Variants in EBF2 observed in about 807,000 individuals in gnomAD.
EBF2 encodes EBF transcription factor 2.
Under a neutral mutation model 72.8 loss-of-function variants are expected in EBF2, and 21 were observed. That is an observed-to-expected ratio of 0.29 (90% confidence interval 0.20 to 0.42). EBF2 has a LOEUF of 0.42. Ranked by LOEUF, EBF2 falls within the 10% of genes least tolerant of loss-of-function variation. The pLI, the probability that EBF2 is intolerant of heterozygous loss-of-function variation, is 1.00. For synonymous variants in EBF2, 299 were observed against 274.2 expected (o/e 1.09, Z -0.89); for missense variants, 637 against 731.2 (o/e 0.87, Z 1.49).
At chr8:25,973,384 C>G (rs2117191307) in intron 6 of EBF2, among the ~76,000 whole-genome samples, 1 of 152,158 alleles carries the variant, frequency 6.6e-6, no homozygotes, top group East Asian at 1.9e-4. Flanking sequence ...CTGTTCTAAT[C>G]TGGATCATAT....
At chr8:25,844,754 G>A (rs1014095534) in intron 15 of EBF2, 114 bp from the exon 16 acceptor site, 2 of 1,355,362 alleles carry the variant, frequency 1.5e-6, no homozygotes, top group East Asian at 2.3e-5. Flanking sequence ...TATTCAAGGA[G>A]ATGGTGCCCT....
intron 13 of EBF2, among the ~76,000 whole-genome samples, chr8:25,858,881 G>A (rs559715199): frequency 6.6e-6 from 1 of 151,940 alleles, no homozygotes; most frequent in African/African-American, 2.4e-5. Flanking sequence ...AGCTGCTCTT[G>A]AACTCCTGAC....
At chr8:25,864,301 T>A (rs1248821248) in intron 10 of EBF2, among the ~76,000 whole-genome samples, 1 of 152,228 alleles carries the variant, frequency 6.6e-6, no homozygotes, top group African/African-American at 2.4e-5. Flanking sequence ...AATTTTTTCT[T>A]ATATTTGCTG....
Position 25,887,831 on chromosome 8 carries a change from C to T in EBF2, c.882+11G>A. On this transcript the variant is annotated intron_variant, in intron 9 of 15. Transcript: ENST00000520164. Reference sequence around the variant, plus strand: ...AAAGGAAATCAGAGTAAGCCTGTTGCCTCTGCTTACCTCGCTCCATACAAG... The same window carrying T: ...AAAGGAAATCAGAGTAAGCCTGTTGTCTCTGCTTACCTCGCTCCATACAAG... 2 of 1,584,690 alleles carry T rather than the reference C, an allele frequency of 1.3e-6. No individual in the cohort carries two copies. Among genetic ancestry groups the T allele is most frequent in the Non-Finnish European group, 1.7e-6 (2 of 1,166,552 alleles).
chr8:25,912,640 G>T (rs1431596731), intron 6 of EBF2, among the ~76,000 whole-genome samples: 1 of 152,064 alleles, frequency 6.6e-6, no homozygotes, highest in East Asian at 1.9e-4. Flanking sequence ...GAAAACTGCT[G>T]AATTCATTTA....
intron 6 of EBF2, among the ~76,000 whole-genome samples, chr8:25,940,460 T>A (rs887439361): frequency 1.3e-5 from 2 of 152,084 alleles, no homozygotes; most frequent in Non-Finnish European, 2.9e-5. Context: ...CTTTCCAGGA[T>A]CTCTGAATAG....
At chr8:25,871,425 A>G (rs1334510257) in intron 10 of EBF2, among the ~76,000 whole-genome samples, 2 of 152,248 alleles carry the variant, frequency 1.3e-5, no homozygotes, top group African/African-American at 4.8e-5. Flanking sequence ...AGAGTAAATT[A>G]AAAATATGCT....
intron 6 of EBF2, among the ~76,000 whole-genome samples, chr8:25,926,194 G>C (rs1436943151): frequency 6.6e-6 from 1 of 152,128 alleles, no homozygotes; most frequent in African/African-American, 2.4e-5. Flanking sequence ...TACAACATGG[G>C]AGGGAGATCT....
intron 7 of EBF2, among the ~76,000 whole-genome samples, chr8:25,900,836 T>C (rs999650066): frequency 1.3e-4 from 19 of 151,830 alleles, no homozygotes; most frequent in African/African-American, 3.4e-4. Context: ...AAAAAATGAT[T>C]AGGCAGGATG....
chr8:25,891,058 G>A (rs758858427), intron 7 of EBF2, among the ~76,000 whole-genome samples: 3 of 152,208 alleles, frequency 2.0e-5, no homozygotes, highest in Non-Finnish European at 4.4e-5. Flanking sequence ...CTAGGAGGAG[G>A]CAGATAGGAA....
intron 6 of EBF2, among the ~76,000 whole-genome samples, chr8:25,940,808 C>A (rs1158781686): frequency 3.9e-5 from 6 of 152,016 alleles, no homozygotes; most frequent in Admixed American, 3.9e-4. Context: ...TCATTCATTG[C>A]ATTTTCCATG....
chr8:26,040,903 T>C (rs1210128886), intron 3 of EBF2, 36 bp downstream of exon 3: 1 of 1,613,690 alleles, frequency 6.2e-7, no homozygotes, highest in South Asian at 1.1e-5. Flanking sequence ...AGCCGGCTGC[T>C]AGGCGCCGGC....
intron 8 of EBF2, 44 bp from the exon 9 acceptor site, chr8:25,888,016 G>T (rs369567744): frequency 6.5e-7 from 1 of 1,548,948 alleles, no homozygotes; most frequent in Non-Finnish European, 8.7e-7. Context: ...TCTTTCATGG[G>T]TGTCCAACTT....
chr8:25,934,224 TACACACACACAC>T (rs71216403), intron 6 of EBF2, among the ~76,000 whole-genome samples: 2,880 of 136,822 alleles, frequency 0.021, 71 homozygotes, highest in African/African-American at 0.069. Context: ...TTCATGTGCA[TACACACACACAC>T]ACACACACAC....
At chr8:25,939,262 T>C (rs977127397) in intron 6 of EBF2, among the ~76,000 whole-genome samples, 11 of 152,246 alleles carry the variant, frequency 7.2e-5, no homozygotes, top group African/African-American at 2.7e-4. Context: ...CTTAGAGATA[T>C]TTCTTCTATG....
chr8:26,005,561 T>TATATAGAGAGAGAG (rs375386709), intron 6 of EBF2, among the ~76,000 whole-genome samples: 169 of 63,868 alleles, frequency 2.6e-3, no homozygotes, highest in African/African-American at 8.1e-3. Context: ...TATATATATA[T>TATATAGAGAGAGAG]AGAGAGAGAG....
In EBF2 at chr8:25,843,412, CA is replaced by C. The variant is rs1801771331; in HGVS notation, c.*1196del. The C allele has an allele frequency of 1.3e-5, 2 of 152,196 alleles. No homozygotes were observed. The highest frequency in any genetic ancestry group is 4.8e-5 in the African/African-American group (2 of 41,430). 9.4% of individuals were successfully genotyped at this position (152,196 alleles called of 1,614,324 possible). ...GTCCATCAAACAGAGTTATCTTCTC[CA>C]AACCGTGTTGCTGAAGTTCTATGGG... On this transcript the variant is annotated 3_prime_UTR_variant, in exon 16 of 16. Transcript: ENST00000520164.
chr8:25,978,925 G>A (rs554675790), intron 6 of EBF2, among the ~76,000 whole-genome samples: 1 of 152,208 alleles, frequency 6.6e-6, no homozygotes, highest in South Asian at 2.1e-4. Context: ...GGAGTGGTGC[G>A]GGTTGGTTCA....
intron 6 of EBF2, among the ~76,000 whole-genome samples, chr8:25,920,218 G>C (rs771744382): frequency 6.6e-6 from 1 of 152,162 alleles, no homozygotes; most frequent in Non-Finnish European, 1.5e-5. Context: ...AAAGTATTAT[G>C]CTTTTCTTTC....
Sources: gnomAD v4.1 joint callset for allele counts (sites outside exome capture counted in the v4.1 genomes callset) on GRCh38, gnomAD v4.1.1 for gene constraint, MANE v1.5 for transcripts, NCBI Gene and HGNC (gene_info 2026-07-23, HGNC 2026-07-21) for gene names.